The following ABCC5 variants were observed in gnomAD, a reference collection of about 807,000 sequenced individuals.
ABCC5 encodes ATP-binding cassette sub-family C member 5.
Under a neutral mutation model 160.9 loss-of-function variants are expected in ABCC5, and 61 were observed. That is an observed-to-expected ratio of 0.38 (90% confidence interval 0.31 to 0.47). ABCC5 has a LOEUF of 0.47. Ranked by LOEUF, ABCC5 falls within the 20% of genes least tolerant of loss-of-function variation. ABCC5 has a pLI of 0.99. For missense variants in ABCC5, 1,308 were observed against 1,813.3 expected (o/e 0.72, Z 5.06); for synonymous variants, 666 against 700.6 (o/e 0.95, Z 0.78).
intron 2 of ABCC5, among the ~76,000 whole-genome samples, chr3:184,006,830 CT>C (rs1721252202): frequency 6.6e-6 from 1 of 151,988 alleles, no homozygotes; most frequent in Non-Finnish European, 1.5e-5. Context: ...TACCACAGAA[CT>C]AAGGAAATAC....
chr3:183,984,568 C>G, intron 5 of ABCC5: 1 of 1,324,488 alleles, frequency 7.6e-7, no homozygotes. Flanking sequence ...CCTAGGAGAT[C>G]CCCACCAATC....
chr3:183,977,189 T>G (rs1051514658), intron 10 of ABCC5, among the ~76,000 whole-genome samples: 3 of 152,318 alleles, frequency 2.0e-5, no homozygotes, highest in African/African-American at 7.2e-5. Flanking sequence ...TCTTCTAGGT[T>G]TAAGCCACTT....
chr3:183,997,589 G>A (rs1209103478), intron 2 of ABCC5, among the ~76,000 whole-genome samples: 1 of 152,078 alleles, frequency 6.6e-6, no homozygotes, highest in East Asian at 1.9e-4. Context: ...AGGGCAAGCT[G>A]TCTTCCTCTT....
chr3:183,977,804 G>A (rs1031857592), intron 9 of ABCC5, among the ~76,000 whole-genome samples, 180 bp from the exon 10 acceptor site: 4 of 151,954 alleles, frequency 2.6e-5, no homozygotes, highest in East Asian at 1.9e-4. Context: ...CCAGGCTGGA[G>A]TGCAGTGACA....
At chr3:183,979,099 T>C (rs1295583850) in intron 8 of ABCC5, among the ~76,000 whole-genome samples, 3 of 152,072 alleles carry the variant, frequency 2.0e-5, no homozygotes, top group Non-Finnish European at 4.4e-5. Context: ...TCCCAGTACT[T>C]TGGGAGGCCC....
In ABCC5 at chr3:183,951,791, A is replaced by T. The variant is rs1715375147; in HGVS notation, c.2814+66T>A. 1 of 1,577,652 alleles carries T rather than the reference A, an allele frequency of 6.3e-7. No homozygotes were observed. The highest frequency in any genetic ancestry group is 8.6e-7 in the Non-Finnish European group (1 of 1,159,204). On this transcript the variant is annotated intron_variant, in intron 19 of 29. Transcript: ENST00000334444. This position sits in a 1 kb window ranked among gnomAD's most constrained non-coding sequence, Gnocchi z 4.7. ...TCCCCTACTCAGCATGAACTGAGAG[A>T]CGCCACACCAAAGCCTGACCACAGG...
At chr3:183,972,086 G>A (rs780069691) in intron 10 of ABCC5, 167 bp from the exon 11 acceptor site, 1 of 1,442,290 alleles carries the variant, frequency 6.9e-7, no homozygotes, top group Non-Finnish European at 9.4e-7. Context: ...GGCCCATCAA[G>A]GGGTCACGGG....
intron 5 of ABCC5, chr3:183,985,357 G>A: frequency 1.9e-6 from 3 of 1,614,046 alleles, no homozygotes; most frequent in Non-Finnish European, 2.5e-6. Context: ...TCTGACCGCA[G>A]AATACAGCCA....
chr3:183,988,936 C>T lies in ABCC5; in HGVS notation c.288-209G>A, dbSNP rs554346159. The stretch of plus-strand genomic sequence containing the variant: ...ATCCCAGCACTTTGGGAGGCCGAGG[C>T]GGGCAGATCATGAGGTCAGGAGATT... On this transcript the variant is annotated intron_variant, in intron 3 of 29. Transcript: ENST00000334444. The surrounding 1 kb of genome is among the most constrained non-coding windows in gnomAD (Gnocchi z 4.4). Among the ~76,000 whole-genome samples the T allele has an allele frequency of 3.9e-5, 6 of 151,910 alleles. No homozygotes were observed. The South Asian group carries it at 1.0e-3, about 26-fold the overall frequency.
chr3:183,994,424 G>A (rs1576918224), intron 2 of ABCC5, among the ~76,000 whole-genome samples: 1 of 151,888 alleles, frequency 6.6e-6, no homozygotes, highest in Non-Finnish European at 1.5e-5. Flanking sequence ...CGCCCAGACT[G>A]GTGTGCAGTG....
intron 9 of ABCC5, 64 bp from the exon 10 acceptor site, chr3:183,977,688 C>G: frequency 9.0e-7 from 1 of 1,114,136 alleles, no homozygotes; most frequent in East Asian, 2.5e-5. Flanking sequence ...TAACCTGACA[C>G]CATGAATTTC....
At chr3:184,000,213 G>T (rs992423374) in intron 2 of ABCC5, among the ~76,000 whole-genome samples, 7 of 151,710 alleles carry the variant, frequency 4.6e-5, no homozygotes, top group African/African-American at 1.7e-4. Context: ...TACAAAAAAG[G>T]GACACCGTTA....
chr3:183,953,024 G>C (rs1363322564), intron 18 of ABCC5, 62 bp downstream of exon 18: 5 of 1,491,566 alleles, frequency 3.4e-6, no homozygotes, highest in Non-Finnish European at 4.5e-6. Context: ...GAATAGCCAG[G>C]GAATAGGGAG....
intron 11 of ABCC5, among the ~76,000 whole-genome samples, chr3:183,970,320 C>A (rs1306927307): frequency 6.6e-6 from 1 of 152,148 alleles, no homozygotes; most frequent in Admixed American, 6.5e-5. Flanking sequence ...TAGCTCTCTC[C>A]CTCATCTCCT....
At chr3:183,976,256 A>AC (rs1015242308) in intron 10 of ABCC5, among the ~76,000 whole-genome samples, 3 of 151,666 alleles carry the variant, frequency 2.0e-5, no homozygotes, top group Non-Finnish European at 2.9e-5. Context: ...AACAACAACA[A>AC]AAAAAAACAA....
intron 5 of ABCC5, chr3:183,984,981 C>A: frequency 8.6e-7 from 1 of 1,158,176 alleles, no homozygotes; most frequent in South Asian, 1.3e-5. Flanking sequence ...ATAGCATCAG[C>A]GCCTCCCAGA....
At position 183,921,504 on chromosome 3, in the gene ABCC5, C is replaced by G; in HGVS notation, c.4213-103G>C. The G allele has an allele frequency of 2.9e-6, 3 of 1,051,034 alleles. No individual in the cohort carries two copies. Among genetic ancestry groups the G allele is most frequent in the Non-Finnish European group, 2.7e-6 (2 of 754,544 alleles). 65.1% of individuals were successfully genotyped at this position (1,051,034 alleles called of 1,614,324 possible). A position where few individuals can be genotyped will look rare whatever the true frequency, so the allele number is the denominator to read the frequency against. On this transcript the variant is annotated intron_variant, in intron 29 of 29. Coordinates refer to ENST00000334444, the MANE Select transcript of ABCC5 (RefSeq NM_005688.4). This position sits in a 1 kb window ranked among gnomAD's most constrained non-coding sequence, Gnocchi z 4.1. Reference sequence around the variant, plus strand: ...TGCCAGTGCCCTCTGAGGGTAGAATCTGGGGACAATTCAACTAGCCCTGCG... The same window carrying G: ...TGCCAGTGCCCTCTGAGGGTAGAATGTGGGGACAATTCAACTAGCCCTGCG...
intron 28 of ABCC5, 107 bp from the exon 29 acceptor site, chr3:183,925,826 GT>G: frequency 1.0e-6 from 1 of 988,358 alleles, no homozygotes. Flanking sequence ...ACTATCTATT[GT>G]TTTCTTTTCT....
intron 2 of ABCC5, among the ~76,000 whole-genome samples, chr3:183,995,641 A>G (rs1258561766): frequency 6.6e-6 from 1 of 152,064 alleles, no homozygotes; most frequent in Admixed American, 6.6e-5. Context: ...CTATTTGTCT[A>G]CCCCTACATT....
Sources: gnomAD v4.1 joint callset for allele counts (sites outside exome capture counted in the v4.1 genomes callset) on GRCh38, gnomAD v4.1.1 for gene constraint, Gnocchi (gnomAD v3.1) non-coding constraint, MANE v1.5 for transcripts, NCBI Gene and HGNC (gene_info 2026-07-23, HGNC 2026-07-21) for gene names.